Variants in PCDHGA12 observed in about 807,000 individuals in gnomAD.
The protein encoded by PCDHGA12 is protocadherin gamma subfamily A, 12, also known as protocadherin gamma-A12.
In PCDHGA12, 43 loss-of-function variants were observed where a neutral mutation model predicts 61.1. The ratio of observed to expected loss-of-function variants is 0.70; its 90% confidence interval spans 0.55 to 0.91. The LOEUF (loss-of-function observed/expected upper bound fraction) is 0.91. PCDHGA12 is among the 40% of genes least tolerant of loss of function. PCDHGA12 has a pLI of 0.00. For missense variants in PCDHGA12, 1,236 were observed against 1,227.7 expected (o/e 1.01, Z -0.10); for synonymous variants, 520 against 542.9 (o/e 0.96, Z 0.59).
Position 141,511,375 on chromosome 5 carries a change from A to G in PCDHGA12, c.*202A>G. 2 of 1,236,730 alleles carry G rather than the reference A, an allele frequency of 1.6e-6. No individual in the cohort carries two copies. The highest frequency in any genetic ancestry group is 2.2e-6 in the Non-Finnish European group (2 of 912,840). 76.6% of individuals were successfully genotyped at this position (1,236,730 alleles called of 1,614,324 possible). A position where few individuals can be genotyped will look rare whatever the true frequency, so the allele number is the denominator to read the frequency against. On this transcript the variant is annotated 3_prime_UTR_variant, in exon 4 of 4. Coordinates refer to ENST00000252085, the MANE Select transcript of PCDHGA12 (RefSeq NM_003735.3). ...CCCAGGGGGTTGAATATGCAAAAGCAGTTCCGCTGGGAACCCCCATCCAAT... is the reference window on the plus strand; with the variant it reads ...CCCAGGGGGTTGAATATGCAAAAGCGGTTCCGCTGGGAACCCCCATCCAAT...
Position 141,476,201 on chromosome 5 carries a change from G to C in PCDHGA12, c.2425-18606G>C. ...GCTTCTGCTTGGTGCCTTGAACAAG[G>C]CTTCCACGGTCATTCACTATGAGAT... is the stretch of plus-strand genomic sequence containing the variant. On this transcript the variant is annotated intron_variant, in intron 1 of 3. Coordinates refer to ENST00000252085, the MANE Select transcript of PCDHGA12 (RefSeq NM_003735.3). This position sits in a 1 kb window ranked among gnomAD's most constrained non-coding sequence, Gnocchi z 7.6. 6.2e-7 allele frequency: 1 copy of C among 1,613,986 alleles called. No individual in the cohort carries two copies. The highest frequency in any genetic ancestry group is 8.5e-7 in the Non-Finnish European group (1 of 1,180,028).
In PCDHGA12 at chr5:141,490,598, G is replaced by A. The variant is rs141484080; in HGVS notation, c.2425-4209G>A. On this transcript the variant is annotated intron_variant, in intron 1 of 3. Transcript: ENST00000252085. This position sits in a 1 kb window ranked among gnomAD's most constrained non-coding sequence, Gnocchi z 5.4. ...TCAGATGTCAATGACAATGCACCCC[G>A]CTTCAACCAGCAGCTTTACACTGCT... 309 of 1,614,062 alleles carry A rather than the reference G, an allele frequency of 1.9e-4. 2 individuals carry two copies. Among genetic ancestry groups the A allele is most frequent in the Admixed American group, 5.0e-4 (30 of 60,018 alleles).
Position 141,475,063 on chromosome 5 carries a change from C to T in PCDHGA12, c.2425-19744C>T, listed in dbSNP as rs552623067. Among the ~76,000 whole-genome samples the T allele has an allele frequency of 1.1e-4, 16 of 152,320 alleles. No individual in the cohort carries two copies. The South Asian group carries it at 2.9e-3, about 28-fold the overall frequency. The stretch of plus-strand genomic sequence containing the variant: ...TTGTATTTTCTAAAGATTTGTGGAG[C>T]TTTGCTGCCATTATTTCAATAATTT... On this transcript the variant is annotated intron_variant, in intron 1 of 3. Coordinates refer to ENST00000252085, the MANE Select transcript of PCDHGA12 (RefSeq NM_003735.3).
At position 141,432,001 on chromosome 5, in the gene PCDHGA12, G is replaced by T. The variant is rs755338230; in HGVS notation, c.1242G>T (p.Gln414His). Residue 414 changes from glutamine (Q) to histidine (H), a missense_variant, in exon 1 of 4, where the codon CAG becomes CAT. By Grantham distance (24) the Gln-to-His change is conservative. Coordinates refer to ENST00000252085, the MANE Select transcript of PCDHGA12 (RefSeq NM_003735.3). This position sits in a 1 kb window ranked among gnomAD's most constrained non-coding sequence, Gnocchi z 6.0. ...LVTDIVLDREQVPSYNITVTA... is the reference protein window; with the variant it reads ...LVTDIVLDREHVPSYNITVTA... Reference sequence around the variant, plus strand: ...CAGACATAGTCTTGGATAGGGAACAGGTTCCTAGCTACAACATCACAGTGA... The same window carrying T: ...CAGACATAGTCTTGGATAGGGAACATGTTCCTAGCTACAACATCACAGTGA... 4 of 1,614,220 alleles carry T rather than the reference G, an allele frequency of 2.5e-6. No homozygotes were observed. In the East Asian group the frequency reaches 8.9e-5, roughly 36 times the overall value.
intron 1 of PCDHGA12, among the ~76,000 whole-genome samples, chr5:141,474,773 G>T (rs1290099424): frequency 6.6e-6 from 1 of 152,182 alleles, no homozygotes; most frequent in East Asian, 1.9e-4. Flanking sequence ...ATAGTATGAG[G>T]CTCTAACACT....
chr5:141,500,104 T>C (rs917633032), intron 2 of PCDHGA12, among the ~76,000 whole-genome samples: 1 of 152,124 alleles, frequency 6.6e-6, no homozygotes, highest in Non-Finnish European at 1.5e-5. Context: ...AATTTATTTG[T>C]TGAATCCCTG....
At chr5:141,482,458 C>T (rs986628162) in intron 1 of PCDHGA12, among the ~76,000 whole-genome samples, 1 of 147,624 alleles carries the variant, frequency 6.8e-6, no homozygotes, top group Non-Finnish European at 1.5e-5. Context: ...ATTAGCATCC[C>T]TATGTGCCAG....
At chr5:141,501,837 G>C (rs2099811299) in intron 2 of PCDHGA12, among the ~76,000 whole-genome samples, 1 of 152,018 alleles carries the variant, frequency 6.6e-6, no homozygotes, top group Admixed American at 6.5e-5. Flanking sequence ...CCACCTGTTT[G>C]GCCCTCAACC....
rs1185679701 is a variant in PCDHGA12, at chr5:141,511,384, G to A, written c.*211G>A. On this transcript the variant is annotated 3_prime_UTR_variant, in exon 4 of 4. Coordinates refer to ENST00000252085, the MANE Select transcript of PCDHGA12 (RefSeq NM_003735.3). ...TTGAATATGCAAAAGCAGTTCCGCT[G>A]GGAACCCCCATCCAATCAACTGCTG... is the stretch of plus-strand genomic sequence containing the variant. 3.5e-6 allele frequency: 4 copies of A among 1,154,490 alleles called. No homozygotes were observed. Among genetic ancestry groups the A allele is most frequent in the Admixed American group, 2.9e-5 (1 of 34,748 alleles). 71.5% of individuals were successfully genotyped at this position (1,154,490 alleles called of 1,614,324 possible). A position where few individuals can be genotyped will look rare whatever the true frequency, so the allele number is the denominator to read the frequency against.
At position 141,491,423 on chromosome 5, in the gene PCDHGA12, G is replaced by C; in HGVS notation, c.2425-3384G>C. On this transcript the variant is annotated intron_variant, in intron 1 of 3. Transcript: ENST00000252085. The surrounding 1 kb of genome is among the most constrained non-coding windows in gnomAD (Gnocchi z 6.9). ...AACGCAGACGGGGACGGGGGTGGAG[G>C]GCAGTGCTGCAGGCGCCAGGACTCA... 1 of 1,614,126 alleles carries C rather than the reference G, an allele frequency of 6.2e-7. No individual in the cohort carries two copies. Among genetic ancestry groups the C allele is most frequent in the South Asian group, 1.1e-5 (1 of 91,090 alleles).
chr5:141,485,922 G>C lies in PCDHGA12; in HGVS notation c.2425-8885G>C. 6.2e-7 allele frequency: 1 copy of C among 1,614,170 alleles called. No individual in the cohort carries two copies. The highest frequency in any genetic ancestry group is 8.5e-7 in the Non-Finnish European group (1 of 1,180,036). On this transcript the variant is annotated intron_variant, in intron 1 of 3. Transcript: ENST00000252085. This position sits in a 1 kb window ranked among gnomAD's most constrained non-coding sequence, Gnocchi z 5.7. The stretch of plus-strand genomic sequence containing the variant: ...TTCCAGCAATCCAGCTACAGGATTA[G>C]TGTGTTGGAGAGCGCACCAGCGGGC...
chr5:141,497,986 G>T (rs1404550601), intron 2 of PCDHGA12, among the ~76,000 whole-genome samples: 1 of 152,176 alleles, frequency 6.6e-6, no homozygotes, highest in Non-Finnish European at 1.5e-5. Context: ...GGAGGCCCCT[G>T]CCCTCAAGGA....
rs911465424 is a variant in PCDHGA12 at position 141,449,724 on chromosome 5, AT to A, written c.2424+16548del. ...AAACACATTATTTTTATATGATATG[AT>A]TTTTTTATGACATGATTATTTTTAT... On this transcript the variant is annotated intron_variant, in intron 1 of 3. Coordinates refer to ENST00000252085, the MANE Select transcript of PCDHGA12 (RefSeq NM_003735.3). 1.2e-4 allele frequency among the ~76,000 whole-genome samples: 18 copies of A among 151,282 alleles called. No homozygotes were observed. The South Asian group carries it at 1.9e-3, about 16-fold the overall frequency.
rs1225025591 is a variant in PCDHGA12 at position 141,493,316 on chromosome 5, T to G, written c.2425-1491T>G. Among the ~76,000 whole-genome samples, 2 of 152,198 alleles carry G rather than the reference T, an allele frequency of 1.3e-5. No homozygotes were observed. The highest frequency in any genetic ancestry group is 2.1e-4 in the South Asian group (1 of 4,826). Reference sequence around the variant, plus strand: ...AGTTCACAGAGCAAGTAAGAGAGATTCTAACCCCTGTCTAACTCCAGAATG... The same window carrying G: ...AGTTCACAGAGCAAGTAAGAGAGATGCTAACCCCTGTCTAACTCCAGAATG... On this transcript the variant is annotated intron_variant, in intron 1 of 3. Coordinates refer to ENST00000252085, the MANE Select transcript of PCDHGA12 (RefSeq NM_003735.3). This position sits in a 1 kb window ranked among gnomAD's most constrained non-coding sequence, Gnocchi z 4.3.
chr5:141,491,542 G>T lies in PCDHGA12; in HGVS notation c.2425-3265G>T, dbSNP rs112433306. The T allele has an allele frequency of 6.2e-7, 1 of 1,613,898 alleles. No homozygotes were observed. Among genetic ancestry groups the T allele is most frequent in the Admixed American group, 1.7e-5 (1 of 60,006 alleles). On this transcript the variant is annotated intron_variant, in intron 1 of 3. Transcript: ENST00000252085. This position sits in a 1 kb window ranked among gnomAD's most constrained non-coding sequence, Gnocchi z 6.9. ...CATGGAGGTGACGCTGCGGCCCACA[G>T]ACTCGCAGAGCCACTGCTACAGGAC...
intron 1 of PCDHGA12, chr5:141,478,196 C>T: frequency 6.2e-7 from 1 of 1,614,068 alleles, no homozygotes; most frequent in Middle Eastern, 1.6e-4. Context: ...CACCTTTTAT[C>T]TACTTCTTTC....
chr5:141,446,469 T>C (rs538381725), intron 1 of PCDHGA12, among the ~76,000 whole-genome samples: 2 of 149,740 alleles, frequency 1.3e-5, no homozygotes, highest in South Asian at 4.2e-4. Flanking sequence ...TGATTAGACA[T>C]ATGGTCATCA....
Position 141,485,087 on chromosome 5 carries a change from T to G in PCDHGA12, c.2425-9720T>G. The G allele has an allele frequency of 2.0e-6, 2 of 1,000,176 alleles. No homozygotes were observed. The highest frequency in any genetic ancestry group is 1.5e-6 in the Non-Finnish European group (1 of 651,808). 62.0% of individuals were successfully genotyped at this position (1,000,176 alleles called of 1,614,324 possible). A position where few individuals can be genotyped will look rare whatever the true frequency, so the allele number is the denominator to read the frequency against. The stretch of plus-strand genomic sequence containing the variant: ...CAGAGCTGGCGCGGGGAAAGGGAGA[T>G]AGGTGTCTCCAGCTGCTGTGGCTGT... On this transcript the variant is annotated intron_variant, in intron 1 of 3. Transcript: ENST00000252085. This position sits in a 1 kb window ranked among gnomAD's most constrained non-coding sequence, Gnocchi z 5.7.
At chr5:141,445,890 T>A (rs1435563284) in intron 1 of PCDHGA12, among the ~76,000 whole-genome samples, 1 of 152,210 alleles carries the variant, frequency 6.6e-6, no homozygotes, top group Non-Finnish European at 1.5e-5. Flanking sequence ...ACTTAGGAGC[T>A]ATTAAAATAT....
Sources: gnomAD v4.1 joint callset for allele counts (sites outside exome capture counted in the v4.1 genomes callset) on GRCh38, gnomAD v4.1.1 for gene constraint, Gnocchi (gnomAD v3.1) non-coding constraint, MANE v1.5 for transcripts, NCBI Gene and HGNC (gene_info 2026-07-23, HGNC 2026-07-21) for gene names.